PDE7A: variants seen among roughly 807,000 people sequenced by gnomAD.
PDE7A encodes phosphodiesterase 7A.
A neutral mutation model predicts 64.3 loss-of-function variants in PDE7A; 39 were observed. The observed-to-expected ratio is 0.61, with a 90% confidence interval of 0.47 to 0.79. The LOEUF (loss-of-function observed/expected upper bound fraction) is 0.79, where lower values mean the gene tolerates loss of function less well. PDE7A is among the 30% of genes least tolerant of loss of function. The pLI is 0.00. For missense variants in PDE7A, 470 were observed against 582.8 expected, an observed-to-expected ratio of 0.81 and a Z score of 1.99; for synonymous variants, 203 against 206.8, an observed-to-expected ratio of 0.98 and a Z score of 0.16.
chr8:65,752,661 G>C (rs1035834894), intron 3 of PDE7A, among the ~76,000 whole-genome samples: 18 of 152,064 alleles, frequency 1.2e-4, no homozygotes. Context: ...TGCCTGGTAT[G>C]TTCTTTCAAT....
intron 1 of PDE7A, among the ~76,000 whole-genome samples, chr8:65,818,152 A>G (rs1043833106): frequency 6.6e-6 from 1 of 152,138 alleles, no homozygotes; most frequent in African/African-American, 2.4e-5. Context: ...CTTTTCACAT[A>G]TTTATAGTAA....
At chr8:65,763,457 T>A (rs1299794532) in intron 3 of PDE7A, among the ~76,000 whole-genome samples, 1 of 151,750 alleles carries the variant, frequency 6.6e-6, no homozygotes, top group Non-Finnish European at 1.5e-5. Flanking sequence ...CCCAGCTACT[T>A]AGGAGGCTGA....
At chr8:65,758,440 C>T (rs1383940879) in intron 3 of PDE7A, among the ~76,000 whole-genome samples, 3 of 152,174 alleles carry the variant, frequency 2.0e-5, no homozygotes, top group Non-Finnish European at 4.4e-5. Context: ...TACTAGTGCA[C>T]TTCTCCCTTG....
At chr8:65,742,824 G>A (rs1807503183) in intron 5 of PDE7A, among the ~76,000 whole-genome samples, 2 of 152,148 alleles carry the variant, frequency 1.3e-5, no homozygotes, top group South Asian at 4.1e-4. Flanking sequence ...AACCATGAGT[G>A]GTTTCTACTA....
chr8:65,724,478 T>A (rs1806526262), intron 10 of PDE7A, 127 bp from the exon 11 acceptor site: 6 of 609,952 alleles, frequency 9.8e-6, no homozygotes, highest in Non-Finnish European at 1.4e-5. Context: ...AATTCTCCTA[T>A]TTTTAGATGT....
intron 3 of PDE7A, among the ~76,000 whole-genome samples, chr8:65,765,121 T>C (rs1181625882): frequency 1.3e-5 from 2 of 152,112 alleles, no homozygotes; most frequent in Non-Finnish European, 2.9e-5. Flanking sequence ...TAGGCTACAA[T>C]GTAAATATCC....
At chr8:65,813,376 TTAG>T (rs1388418992) in intron 1 of PDE7A, among the ~76,000 whole-genome samples, 7 of 152,158 alleles carry the variant, frequency 4.6e-5, no homozygotes. Context: ...AGCATCTTGA[TTAG>T]TAGGGACCTG....
intron 3 of PDE7A, among the ~76,000 whole-genome samples, chr8:65,769,189 A>C (rs1808950227): frequency 6.8e-6 from 1 of 147,900 alleles, no homozygotes; most frequent in African/African-American, 2.5e-5. Context: ...TGGTGGTTGC[A>C]GTGTGCTAAG....
intron 2 of PDE7A, among the ~76,000 whole-genome samples, chr8:65,780,137 T>TAA (rs35971102): frequency 1.3e-5 from 2 of 151,096 alleles, no homozygotes; most frequent in African/African-American, 4.9e-5. Context: ...TTTTTTTTTT[T>TAA]AAAAAAAGGC....
At chr8:65,739,454 T>C (rs369688593) in intron 6 of PDE7A, 48 bp downstream of exon 6, 2 of 1,503,452 alleles carry the variant, frequency 1.3e-6, no homozygotes, top group Non-Finnish European at 1.8e-6. Flanking sequence ...AAACAGGTTC[T>C]TGTATAAATG....
intron 1 of PDE7A, among the ~76,000 whole-genome samples, chr8:65,796,896 C>G (rs1479481788): frequency 2.0e-5 from 3 of 152,030 alleles, no homozygotes; most frequent in Non-Finnish European, 4.4e-5. Context: ...AAAAAACTGT[C>G]TTTTGTGCAG....
chr8:65,797,208 C>T (rs1809865690), intron 1 of PDE7A, among the ~76,000 whole-genome samples: 1 of 152,130 alleles, frequency 6.6e-6, no homozygotes, highest in Non-Finnish European at 1.5e-5. Context: ...AAAGTCCTAA[C>T]CCCCAGGTGC....
At chr8:65,723,963 A>G (rs1274123858) in intron 11 of PDE7A, among the ~76,000 whole-genome samples, 1 of 152,166 alleles carries the variant, frequency 6.6e-6, no homozygotes. Context: ...CCCTCCACAC[A>G]CGACAAGGAT....
intron 1 of PDE7A, among the ~76,000 whole-genome samples, chr8:65,804,844 T>C: frequency 6.9e-6 from 1 of 144,800 alleles, no homozygotes; most frequent in South Asian, 2.1e-4. Context: ...CAGCCAAGTT[T>C]TCTTTTATTT....
intron 2 of PDE7A, among the ~76,000 whole-genome samples, chr8:65,781,102 G>A (rs1189987227): frequency 1.3e-5 from 2 of 152,192 alleles, no homozygotes; most frequent in Non-Finnish European, 2.9e-5. Flanking sequence ...GAGTTACATG[G>A]AGAAAACTAA....
intron 1 of PDE7A, chr8:65,789,133 C>T (rs1336766185): frequency 1.1e-5 from 13 of 1,185,366 alleles, no homozygotes; most frequent in South Asian, 2.5e-5. Flanking sequence ...AGCCAGCCTT[C>T]TTACCCAGCG....
At chr8:65,770,341 A>T (rs1809024098) in intron 3 of PDE7A, among the ~76,000 whole-genome samples, 1 of 152,240 alleles carries the variant, frequency 6.6e-6, no homozygotes, top group Non-Finnish European at 1.5e-5. Context: ...AGGCCTCATA[A>T]TCAGGGCAGA....
chr8:65,800,960 A>AG (rs1809971718), intron 1 of PDE7A, among the ~76,000 whole-genome samples: 1 of 152,220 alleles, frequency 6.6e-6, no homozygotes, highest in Non-Finnish European at 1.5e-5. Flanking sequence ...ATTCGAGTCT[A>AG]AAACAGACAC....
At chr8:65,805,386 A>C (rs1810086583) in intron 1 of PDE7A, among the ~76,000 whole-genome samples, 1 of 152,232 alleles carries the variant, frequency 6.6e-6, no homozygotes, top group Admixed American at 6.5e-5. Context: ...TTTCAAAAGT[A>C]GTCAAGTAAA....
Sources: allele counts gnomAD v4.1 joint callset (sites outside exome capture counted in the v4.1 genomes callset), GRCh38; gene constraint gnomAD v4.1.1; transcripts MANE v1.5; gene names NCBI Gene and HGNC (gene_info 2026-07-23, HGNC 2026-07-21).